Variants in ZDHHC8 observed in about 807,000 individuals in gnomAD.
The protein encoded by ZDHHC8 is palmitoyltransferase ZDHHC8.
ZDHHC8 carries 24 observed loss-of-function variants against 61.2 expected under a neutral mutation model. That is an observed-to-expected ratio of 0.39 (90% CI 0.28 to 0.55). The LOEUF is 0.55. ZDHHC8 is among the 20% of genes least tolerant of loss of function. The pLI is 0.60. For missense variants in ZDHHC8, 935 were observed against 1,102.1 expected (o/e 0.85, Z 2.15); for synonymous variants, 523 against 492.5 (o/e 1.06, Z -0.82).
In ZDHHC8 at chr22:20,146,223, C is replaced by T. The variant is rs926198375; in HGVS notation, c.*823C>T. 46 of 985,450 alleles carry T rather than the reference C, an allele frequency of 4.7e-5. No homozygotes were observed. The African/African-American group carries it at 7.7e-4, about 16-fold the overall frequency. The allele number at this position is 985,450 out of a possible 1,614,324, so 61.0% of individuals were successfully genotyped here. ...CAGAGCCCCCTCCCCAGCCCTCAGG[C>T]CCTCCCTGCCAAACTGGAGAACCCC... On this transcript the variant is annotated 3_prime_UTR_variant, in exon 11 of 11. Transcript: ENST00000334554.
chr22:20,145,156 G>A, intron 10 of ZDHHC8, 73 bp from the exon 11 acceptor site: 1 of 1,317,060 alleles, frequency 7.6e-7, no homozygotes, highest in South Asian at 1.9e-5. Context: ...CTGTCTTGCT[G>A]CCTCCTCCGT....
chr22:20,134,164 G>A (rs1038087092), intron 1 of ZDHHC8, among the ~76,000 whole-genome samples: 1 of 152,254 alleles, frequency 6.6e-6, no homozygotes, highest in African/African-American at 2.4e-5. Flanking sequence ...GATGCCATGT[G>A]TCCCTGTAGC....
chr22:20,140,726 C>G lies in ZDHHC8; in HGVS notation c.752+18C>G. 6.2e-7 allele frequency: 1 copy of G among 1,605,676 alleles called. No individual in the cohort carries two copies. The highest frequency in any genetic ancestry group is 1.7e-5 in the Admixed American group (1 of 59,414). On this transcript the variant is annotated intron_variant, in intron 6 of 10. Transcript: ENST00000334554. ...GCGCCCCGGTGAGGCCCGGCCTGGG[C>G]AGGGTGGAGGGGGGCCTCTGCTGGG... is the stretch of plus-strand genomic sequence containing the variant.
At chr22:20,135,725 C>A (rs2050414047) in intron 1 of ZDHHC8, among the ~76,000 whole-genome samples, 1 of 152,206 alleles carries the variant, frequency 6.6e-6, no homozygotes, top group South Asian at 2.1e-4. Context: ...GTATTCCTGG[C>A]CCCCGAGCCT....
chr22:20,143,809 C>A (rs1396429800), intron 10 of ZDHHC8, 53 bp downstream of exon 10: 4 of 1,544,020 alleles, frequency 2.6e-6, no homozygotes, highest in Non-Finnish European at 3.5e-6. Flanking sequence ...GCTGTCCAGC[C>A]GTCTCCAGGG....
chr22:20,144,885 G>A (rs1332722971), intron 10 of ZDHHC8, among the ~76,000 whole-genome samples: 6 of 152,226 alleles, frequency 3.9e-5, no homozygotes, highest in Admixed American at 3.9e-4. Context: ...GGCTCCCAGT[G>A]CAGGGCACGG....
chr22:20,132,217 G>A (rs1346879837), intron 1 of ZDHHC8, among the ~76,000 whole-genome samples, 166 bp downstream of exon 1: 1 of 152,154 alleles, frequency 6.6e-6, no homozygotes, highest in Admixed American at 6.5e-5. Flanking sequence ...GGGGCTGGGG[G>A]AGTTGAAGCG....
Position 20,146,927 on chromosome 22 carries a change from G to A in ZDHHC8, c.*1527G>A. On this transcript the variant is annotated 3_prime_UTR_variant, in exon 11 of 11. Transcript: ENST00000334554. ...GTTCAGGGCTGAGACATTCTGGGCT[G>A]GGGCTGTCCCAGCGTGGGAGGCGTG... 1 of 1,348,568 alleles carries A rather than the reference G, an allele frequency of 7.4e-7. No homozygotes were observed. The highest frequency in any genetic ancestry group is 1.9e-5 in the South Asian group (1 of 53,926). The allele number at this position is 1,348,568 out of a possible 1,614,324, so 83.5% of individuals were successfully genotyped here.
At position 20,141,450 on chromosome 22, in the gene ZDHHC8, C is replaced by G. The variant is rs1415549387; in HGVS notation, c.1045C>G (p.Pro349Ala). ...ESALSVQRTS[P>A]PTPAMYKFRP... is the part of the protein sequence containing the mutation. ...TGCCCTGTCGGTGCAGAGGACCAGC[C>G]CCCCGACACCTGCCATGTACAAGTT... The change falls in exon 9 of 11, where the codon CCC becomes GCC. Residue 349 changes from proline to alanine, a missense_variant. Around this residue, in one of 3 missense-constraint regions of ZDHHC8, gnomAD observed 692 missense variants for 731.4 expected, o/e 0.95. Transcript: ENST00000334554. The G allele has an allele frequency of 6.2e-7, 1 of 1,613,272 alleles. No individual in the cohort carries two copies. The highest frequency in any genetic ancestry group is 8.5e-7 in the Non-Finnish European group (1 of 1,179,950).
At position 20,147,576 on chromosome 22, in the gene ZDHHC8, G is replaced by C. The variant is rs547737830; in HGVS notation, c.*2176G>C. 112 of 223,498 alleles carry C rather than the reference G, an allele frequency of 5.0e-4. 2 individuals carry two copies. The highest frequency in any genetic ancestry group is 2.3e-3 in the African/African-American group (100 of 44,062). 13.8% of individuals were successfully genotyped at this position (223,498 alleles called of 1,614,324 possible). A position where few individuals can be genotyped will look rare whatever the true frequency, so the allele number is the denominator to read the frequency against. ...GGCCTCCGTGGGTTGGGCTGGGTGG[G>C]GGGGGGGTCTCAGGTTGCCCCTGAA... On this transcript the variant is annotated 3_prime_UTR_variant, in exon 11 of 11. Coordinates refer to ENST00000334554, the MANE Select transcript of ZDHHC8 (RefSeq NM_013373.4).
In ZDHHC8 at chr22:20,147,515, A is replaced by C; in HGVS notation, c.*2115A>C. 1 of 213,070 alleles carries C rather than the reference A, an allele frequency of 4.7e-6. No individual in the cohort carries two copies. Among genetic ancestry groups the C allele is most frequent in the South Asian group, 1.5e-4 (1 of 6,858 alleles). The allele number at this position is 213,070 out of a possible 1,614,324, so 13.2% of individuals were successfully genotyped here. On this transcript the variant is annotated 3_prime_UTR_variant, in exon 11 of 11. Transcript: ENST00000334554. The stretch of plus-strand genomic sequence containing the variant: ...GCCCAGCCTCCCTACCCAACCAAGC[A>C]CTTTAGACTAAGCCACTTCCTCCTC...
At chr22:20,140,285 T>G (rs1602570989) in intron 5 of ZDHHC8, 68 bp downstream of exon 5, 3 of 1,441,664 alleles carry the variant, frequency 2.1e-6, no homozygotes, top group Non-Finnish European at 1.9e-6. Context: ...GGGGACAGGG[T>G]GGGGGCTGGG....
chr22:20,133,718 T>A (rs2050397355), intron 1 of ZDHHC8, among the ~76,000 whole-genome samples: 1 of 129,158 alleles, frequency 7.7e-6, no homozygotes. Context: ...CAAGACTCTG[T>A]CTCAAAAAAA....
chr22:20,147,391 C>T lies in ZDHHC8; in HGVS notation c.*1991C>T. 1 of 745,010 alleles carries T rather than the reference C, an allele frequency of 1.3e-6. No homozygotes were observed. The highest frequency in any genetic ancestry group is 2.0e-6 in the Non-Finnish European group (1 of 500,000). 46.1% of individuals were successfully genotyped at this position (745,010 alleles called of 1,614,324 possible). A position where few individuals can be genotyped will look rare whatever the true frequency, so the allele number is the denominator to read the frequency against. Reference sequence around the variant, plus strand: ...TCCCAGCCTGCCAGGGCCTGAGACCCTGTGTCCACATGACCTCAGGGAGTC... The same window carrying T: ...TCCCAGCCTGCCAGGGCCTGAGACCTTGTGTCCACATGACCTCAGGGAGTC... On this transcript the variant is annotated 3_prime_UTR_variant, in exon 11 of 11. Transcript: ENST00000334554.
intron 10 of ZDHHC8, among the ~76,000 whole-genome samples, chr22:20,144,580 A>G (rs2050505065): frequency 6.6e-6 from 1 of 152,208 alleles, no homozygotes; most frequent in African/African-American, 2.4e-5. Flanking sequence ...AAAGGGGCTG[A>G]GGGCACAGCA....
chr22:20,143,424 A>G lies in ZDHHC8; in HGVS notation c.1794A>G (p.Arg598=), dbSNP rs1002432341. 1.3e-6 allele frequency: 2 copies of G among 1,597,584 alleles called. No homozygotes were observed. Among genetic ancestry groups the G allele is most frequent in the African/African-American group, 1.3e-5 (1 of 74,824 alleles). Residue 598 remains arginine, a synonymous_variant, in exon 10 of 11, where the codon CGA becomes CGG. Transcript: ENST00000334554. ...QQASVLSEGP[R]GPALRYGSRD... ...CCAGTGTGCTGTCCGAGGGCCCCCGAGGTCCCGCGCTGCGCTATGGCTCCA... is the reference window on the plus strand; with the variant it reads ...CCAGTGTGCTGTCCGAGGGCCCCCGGGGTCCCGCGCTGCGCTATGGCTCCA...
chr22:20,137,279 C>T (rs2050429461), intron 1 of ZDHHC8, among the ~76,000 whole-genome samples: 1 of 152,256 alleles, frequency 6.6e-6, no homozygotes, highest in South Asian at 2.1e-4. Context: ...AGCAGTACCG[C>T]CTGCTTGGGC....
At position 20,142,984 on chromosome 22, in the gene ZDHHC8, C is replaced by T. The variant is rs372406851; in HGVS notation, c.1354C>T (p.Arg452Cys). The change falls in exon 10 of 11, where the codon CGC becomes TGC. Residue 452 changes from arginine to cysteine, a missense_variant. By Grantham distance (180) the Arg-to-Cys change is radical (BLOSUM62 -3). This residue lies in a region of ZDHHC8 where 692 missense variants were observed against 731.4 expected (regional missense o/e 0.95). Coordinates refer to ENST00000334554, the MANE Select transcript of ZDHHC8 (RefSeq NM_013373.4). ...GGATCATGTGGCCCTGCAGCCCCTGCGCTCTGAGGGGGGGCCCCCCACGCC... is the reference window on the plus strand; with the variant it reads ...GGATCATGTGGCCCTGCAGCCCCTGTGCTCTGAGGGGGGGCCCCCCACGCC... Reference protein sequence around the residue: ...GGDHVALQPLRSEGGPPTPHR... With the variant: ...GGDHVALQPLCSEGGPPTPHR... 3.4e-5 allele frequency: 54 copies of T among 1,605,106 alleles called. No homozygotes were observed. Among genetic ancestry groups the T allele is most frequent in the East Asian group, 2.9e-4 (13 of 44,676 alleles).
chr22:20,146,813 G>A lies in ZDHHC8; in HGVS notation c.*1413G>A. 6.4e-6 allele frequency: 8 copies of A among 1,243,810 alleles called. No homozygotes were observed. Among genetic ancestry groups the A allele is most frequent in the African/African-American group, 1.6e-5 (1 of 64,426 alleles). 77.0% of individuals were successfully genotyped at this position (1,243,810 alleles called of 1,614,324 possible). A position where few individuals can be genotyped will look rare whatever the true frequency, so the allele number is the denominator to read the frequency against. ...GCATAGGGGCCACCTGTTGGCTCAG[G>A]GCCCTGTGGGGGCCGCTGAACCTGC... On this transcript the variant is annotated 3_prime_UTR_variant, in exon 11 of 11. Coordinates refer to ENST00000334554, the MANE Select transcript of ZDHHC8 (RefSeq NM_013373.4).
Sources: gnomAD v4.1 joint callset for allele counts (sites outside exome capture counted in the v4.1 genomes callset) on GRCh38, gnomAD v4.1.1 for gene constraint, gnomAD v4.1.1 regional missense constraint, MANE v1.5 for transcripts, NCBI Gene and HGNC (gene_info 2026-07-23, HGNC 2026-07-21) for gene names.